HERC1: variants seen among roughly 807,000 people sequenced by gnomAD.
The protein encoded by HERC1 is HECT and RLD domain containing E3 ubiquitin protein ligase family member 1, also known as probable E3 ubiquitin-protein ligase HERC1.
In HERC1, 160 loss-of-function variants were observed where a neutral mutation model predicts 554.3. The observed-to-expected ratio is 0.29, with a 90% CI of 0.25 to 0.33. HERC1 has a LOEUF of 0.33. Ranked by LOEUF, HERC1 falls within the 10% of genes least tolerant of loss-of-function variation. The pLI is 1.00. For synonymous variants in HERC1, 2,175 were observed against 2,131.7 expected, an observed-to-expected ratio of 1.02 and a Z score of -0.56; for missense variants, 4,919 against 5,918.5, an observed-to-expected ratio of 0.83 and a Z score of 5.54.
chr15:63,668,846 A>G (rs1368026046), intron 40 of HERC1, among the ~76,000 whole-genome samples: 3 of 152,236 alleles, frequency 2.0e-5, no homozygotes, highest in East Asian at 1.9e-4. Flanking sequence ...ACACTCTCTC[A>G]ATAATAGACA....
rs917146508 is a variant in HERC1 at position 63,799,238 on chromosome 15, C to T, written c.-26-23589G>A. Among the ~76,000 whole-genome samples the T allele has an allele frequency of 5.3e-5, 8 of 152,088 alleles. No individual in the cohort carries two copies. In the South Asian group the frequency reaches 1.2e-3, roughly 24 times the overall value. ...GCTATTGGCCAGGCACAGTGGCTCA[C>T]GTCTGTAATCACAGCATTTTGGGAA... On this transcript the variant is annotated intron_variant, in intron 1 of 77. Coordinates refer to ENST00000443617, the MANE Select transcript of HERC1 (RefSeq NM_003922.4).
chr15:63,659,236 C>CA (rs143095483), intron 47 of HERC1, among the ~76,000 whole-genome samples: 23,516 of 150,790 alleles, frequency 0.16, 2,235 homozygotes, highest in Middle Eastern at 0.22. Context: ...TCATGAAAGA[C>CA]AAAAAAAAAT....
intron 1 of HERC1, among the ~76,000 whole-genome samples, chr15:63,777,098 A>G (rs2076140192): frequency 6.6e-6 from 1 of 152,208 alleles, no homozygotes; most frequent in Admixed American, 6.5e-5. Flanking sequence ...AGAAACCTCA[A>G]TCACTGAAGG....
chr15:63,707,537 G>C (rs2073072988), intron 24 of HERC1, among the ~76,000 whole-genome samples: 1 of 152,106 alleles, frequency 6.6e-6, no homozygotes, highest in Non-Finnish European at 1.5e-5. Flanking sequence ...AATCATATAT[G>C]ACTTAAGCTT....
chr15:63,729,211 A>C (rs755466760), intron 16 of HERC1, 25 bp downstream of exon 16: 1 of 1,579,662 alleles, frequency 6.3e-7, no homozygotes, highest in Non-Finnish European at 8.6e-7. Context: ...GACTGATTAA[A>C]TTTGAAATGA....
Position 63,733,092 on chromosome 15 carries a change from G to C in HERC1, c.2700C>G (p.Ala900=). ...LTSLQDHTHV[A]SLLGYSSPSD... ...AGGGTGAACTATAGCCAAGTAGGGAGGCTACGTGGGTATGATCTTGCAAAC... is the reference window on the plus strand; with the variant it reads ...AGGGTGAACTATAGCCAAGTAGGGACGCTACGTGGGTATGATCTTGCAAAC... The change falls in exon 14 of 78, where the codon GCC becomes GCG. Residue 900 remains alanine (A), a synonymous_variant. Coordinates refer to ENST00000443617, the MANE Select transcript of HERC1 (RefSeq NM_003922.4). 6.2e-7 allele frequency: 1 copy of C among 1,613,906 alleles called. No individual in the cohort carries two copies. The highest frequency in any genetic ancestry group is 8.5e-7 in the Non-Finnish European group (1 of 1,179,814).
At chr15:63,815,430 T>C (rs905027505) in intron 1 of HERC1, among the ~76,000 whole-genome samples, 3 of 152,178 alleles carry the variant, frequency 2.0e-5, no homozygotes, top group East Asian at 1.9e-4. Context: ...ATCTATAAAA[T>C]AGGTATAACA....
intron 1 of HERC1, among the ~76,000 whole-genome samples, chr15:63,797,085 C>T (rs1437740473): frequency 3.9e-5 from 6 of 152,130 alleles, no homozygotes; most frequent in African/African-American, 7.2e-5. Flanking sequence ...TTTTAGTTTA[C>T]AAGACCAAGC....
chr15:63,712,939 G>A (rs377478362), intron 23 of HERC1, 44 bp from the exon 24 acceptor site: 242 of 1,561,010 alleles, frequency 1.6e-4, no homozygotes, highest in Non-Finnish European at 2.0e-4. Context: ...ATTTAGGACT[G>A]TTAGTGAACA....
chr15:63,706,972 A>C (rs1298692769), intron 24 of HERC1, 141 bp from the exon 25 acceptor site: 1 of 564,702 alleles, frequency 1.8e-6, no homozygotes, highest in Non-Finnish European at 3.1e-6. Context: ...AACTAATAAC[A>C]AAATGTCCCT....
At position 63,755,211 on chromosome 15, in the gene HERC1, A is replaced by G. The variant is rs778252039; in HGVS notation, c.1630+18T>C. On this transcript the variant is annotated intron_variant, in intron 6 of 77. Transcript: ENST00000443617. ...CTAATTTTCTAGAAGAATAACTTAC[A>G]TTTTTAAAAAATCTTACCTAATCTT... 2 of 1,551,850 alleles carry G rather than the reference A, an allele frequency of 1.3e-6. No individual in the cohort carries two copies. Among genetic ancestry groups the G allele is most frequent in the Admixed American group, 1.7e-5 (1 of 59,666 alleles).
chr15:63,711,202 G>A (rs886920713), intron 24 of HERC1, among the ~76,000 whole-genome samples: 1 of 152,174 alleles, frequency 6.6e-6, no homozygotes, highest in Admixed American at 6.5e-5. Context: ...GCACATGCCT[G>A]TAATCTCAGC....
intron 18 of HERC1, among the ~76,000 whole-genome samples, chr15:63,724,248 G>A (rs1009006843): frequency 6.6e-6 from 1 of 152,142 alleles, no homozygotes; most frequent in Non-Finnish European, 1.5e-5. Flanking sequence ...CTGTCACAAG[G>A]TTAAACACTG....
chr15:63,789,381 C>T (rs562706240), intron 1 of HERC1, among the ~76,000 whole-genome samples: 2 of 151,734 alleles, frequency 1.3e-5, no homozygotes, highest in South Asian at 4.2e-4. Flanking sequence ...TGAGCCACCG[C>T]GCCCGGCCAA....
At position 63,734,207 on chromosome 15, in the gene HERC1, T is replaced by C. The variant is rs769706898; in HGVS notation, c.2646+517A>G. On this transcript the variant is annotated intron_variant, in intron 13 of 77. Coordinates refer to ENST00000443617, the MANE Select transcript of HERC1 (RefSeq NM_003922.4). The surrounding 1 kb of genome is among the most constrained non-coding windows in gnomAD (Gnocchi z 4.6). ...AAAGAAAGAAAAGTATCAGTAAATA[T>C]TACACTGCAAATAAGTACCAATTTT... Among the ~76,000 whole-genome samples, 3 of 152,142 alleles carry C rather than the reference T, an allele frequency of 2.0e-5. No individual in the cohort carries two copies. The highest frequency in any genetic ancestry group is 2.9e-5 in the Non-Finnish European group (2 of 68,020).
chr15:63,833,743 A>ACGCGCGCGCGCGCGCGCG, intron 1 of HERC1, 84 bp downstream of exon 1: 1 of 66,346 alleles, frequency 1.5e-5, no homozygotes, highest in African/African-American at 4.6e-5. Context: ...CAAAGCACAC[A>ACGCGCGCGCGCGCGCGCG]CGCGCGCGCG....
chr15:63,649,639 G>T, intron 54 of HERC1, 86 bp downstream of exon 54: 2 of 1,023,200 alleles, frequency 2.0e-6, no homozygotes, highest in Non-Finnish European at 2.9e-6. Flanking sequence ...ATATTCACTT[G>T]GTATTTTTAA....
At chr15:63,696,921 ATCCTTCT>A (rs1352814675) in intron 26 of HERC1, among the ~76,000 whole-genome samples, 3 of 148,240 alleles carry the variant, frequency 2.0e-5, no homozygotes, top group Non-Finnish European at 4.5e-5. Flanking sequence ...TGATCAGCTT[ATCCTTCT>A]TCTTTAAAAA....
chr15:63,827,050 C>T (rs1464300963), intron 1 of HERC1, among the ~76,000 whole-genome samples: 2 of 151,760 alleles, frequency 1.3e-5, no homozygotes, highest in African/African-American at 2.4e-5. Flanking sequence ...AGGCTATTTA[C>T]ATAAGAAACA....
Sources: gnomAD v4.1 joint callset for allele counts (sites outside exome capture counted in the v4.1 genomes callset) on GRCh38, gnomAD v4.1.1 for gene constraint, Gnocchi (gnomAD v3.1) non-coding constraint, MANE v1.5 for transcripts, NCBI Gene and HGNC (gene_info 2026-07-23, HGNC 2026-07-21) for gene names.